Variants in ASIC2 observed in about 807,000 individuals in gnomAD.
The protein encoded by ASIC2 is acid-sensing ion channel 2.
Under a neutral mutation model 57.3 loss-of-function variants are expected in ASIC2, and 25 were observed. The observed-to-expected ratio is 0.44, with a 90% CI of 0.32 to 0.61. The LOEUF (loss-of-function observed/expected upper bound fraction) is 0.61, where lower values mean the gene tolerates loss of function less well. Ranked by LOEUF, ASIC2 falls within the 20% of genes least tolerant of loss-of-function variation. ASIC2 has a pLI of 0.06. For synonymous variants in ASIC2, 319 were observed against 307.5 expected (o/e 1.04, Z -0.39); for missense variants, 641 against 738.1 (o/e 0.87, Z 1.52).
At chr17:33,946,197 A>G (rs1246307271) in intron 1 of ASIC2, among the ~76,000 whole-genome samples, 1 of 152,212 alleles carries the variant, frequency 6.6e-6, no homozygotes, top group Non-Finnish European at 1.5e-5. Context: ...GCATAAGTAT[A>G]TGAAAACTCT....
intron 1 of ASIC2, among the ~76,000 whole-genome samples, chr17:34,034,809 T>C (rs1269109520): frequency 6.6e-6 from 1 of 152,272 alleles, no homozygotes; most frequent in South Asian, 2.1e-4. Flanking sequence ...TTATAAGGGA[T>C]GTGAAGGACC....
chr17:33,073,610 C>T (rs1043839617), intron 3 of ASIC2, among the ~76,000 whole-genome samples: 2 of 152,142 alleles, frequency 1.3e-5, no homozygotes. Flanking sequence ...AGACTAAGAA[C>T]AGGGAACAAT....
chr17:33,523,018 G>A (rs916703511), intron 1 of ASIC2, among the ~76,000 whole-genome samples: 3 of 152,204 alleles, frequency 2.0e-5, no homozygotes, highest in Non-Finnish European at 4.4e-5. Flanking sequence ...GCAAGTGGGT[G>A]ACAAGAAGTG....
chr17:33,529,979 C>T (rs1914999714), intron 1 of ASIC2: 1 of 152,212 alleles, frequency 6.6e-6, no homozygotes, highest in African/African-American at 2.4e-5. Flanking sequence ...TTATGTCTCT[C>T]AACCCCGCTG....
rs551977063 is a variant in ASIC2 at position 34,139,206 on chromosome 17, A to G, written c.555+16772T>C. Among the ~76,000 whole-genome samples the G allele has an allele frequency of 3.1e-4, 47 of 152,334 alleles. 1 individual carries two copies. The South Asian group carries it at 6.4e-3, about 21-fold the overall frequency. ...TATTATCTTAGCCAAATGATCAAAA[A>G]CTAGCATCTCTAGTGAAAGATCTAG... On this transcript the variant is annotated intron_variant, in intron 1 of 9. Transcript: ENST00000359872.
At chr17:33,607,028 G>T (rs988917445) in intron 1 of ASIC2, among the ~76,000 whole-genome samples, 1 of 152,294 alleles carries the variant, frequency 6.6e-6, no homozygotes, top group South Asian at 2.1e-4. Context: ...GGTTGGAGGA[G>T]CATGTACCAA....
chr17:33,831,666 T>C (rs984873647), intron 1 of ASIC2, among the ~76,000 whole-genome samples: 7 of 152,088 alleles, frequency 4.6e-5, no homozygotes, highest in African/African-American at 1.7e-4. Flanking sequence ...CTGTCAGTGT[T>C]TGTGCATATG....
intron 1 of ASIC2, among the ~76,000 whole-genome samples, chr17:33,789,448 T>G (rs1911700244): frequency 7.0e-6 from 1 of 143,694 alleles, no homozygotes. Flanking sequence ...TTGTGAGATT[T>G]AGCAGAGAAT....
chr17:33,456,571 T>C (rs1014936268), intron 1 of ASIC2, among the ~76,000 whole-genome samples: 5 of 152,208 alleles, frequency 3.3e-5, no homozygotes, highest in African/African-American at 4.8e-5. Context: ...TTTCATTGTG[T>C]GGAGATGTGT....
At chr17:33,427,779 C>T in intron 1 of ASIC2, among the ~76,000 whole-genome samples, 1 of 152,188 alleles carries the variant, frequency 6.6e-6, no homozygotes, top group Admixed American at 6.5e-5. Context: ...GAACCTTACT[C>T]CCTTGTGTAC....
chr17:33,379,713 G>A (rs1233922901), intron 1 of ASIC2, among the ~76,000 whole-genome samples: 2 of 152,166 alleles, frequency 1.3e-5, no homozygotes, highest in South Asian at 2.1e-4. Context: ...ATCAGCTATG[G>A]TTCACACATT....
intron 1 of ASIC2, among the ~76,000 whole-genome samples, chr17:33,852,042 C>T (rs76416358): frequency 7.2e-5 from 11 of 152,334 alleles, no homozygotes; most frequent in African/African-American, 2.2e-4. Flanking sequence ...GTGACTCAGG[C>T]CTGCGCTGCT....
intron 1 of ASIC2, among the ~76,000 whole-genome samples, chr17:33,594,184 C>T (rs1904911320): frequency 6.6e-6 from 1 of 152,256 alleles, no homozygotes; most frequent in South Asian, 2.1e-4. Context: ...TGTCCCAGTG[C>T]TGGCATTCTG....
chr17:33,610,547 G>A (rs1186808374), intron 1 of ASIC2, among the ~76,000 whole-genome samples: 2 of 151,884 alleles, frequency 1.3e-5, no homozygotes, highest in Non-Finnish European at 2.9e-5. Context: ...CATAACAAAA[G>A]GCATAAAGAA....
intron 1 of ASIC2, among the ~76,000 whole-genome samples, chr17:34,048,377 TTTAAA>T (rs960042568): frequency 2.0e-5 from 3 of 152,210 alleles, no homozygotes; most frequent in Non-Finnish European, 4.4e-5. Context: ...ATTCCTTCAT[TTTAAA>T]TTAAAGAAGT....
chr17:33,796,646 C>T (rs1911927247), intron 1 of ASIC2, among the ~76,000 whole-genome samples: 1 of 152,142 alleles, frequency 6.6e-6, no homozygotes, highest in Admixed American at 6.5e-5. Context: ...TTCCAAGATC[C>T]ATCTGATACT....
At chr17:33,064,795 C>T (rs929806554) in intron 3 of ASIC2, among the ~76,000 whole-genome samples, 8 of 152,342 alleles carry the variant, frequency 5.3e-5, no homozygotes, top group African/African-American at 1.9e-4. Context: ...TGTTCCTATT[C>T]GGCCATCTTG....
At chr17:33,395,872 C>T (rs944251140) in intron 1 of ASIC2, among the ~76,000 whole-genome samples, 6 of 151,994 alleles carry the variant, frequency 3.9e-5, no homozygotes, top group Non-Finnish European at 7.4e-5. Flanking sequence ...ACTTCTTAAC[C>T]TCCCCAGATG....
Position 33,871,714 on chromosome 17 carries a change from C to T in ASIC2, c.555+284264G>A, listed in dbSNP as rs147498638. Among the ~76,000 whole-genome samples, 403 of 152,076 alleles carry T rather than the reference C, an allele frequency of 2.6e-3. 2 individuals are homozygous for T. Among genetic ancestry groups the T allele is most frequent in the African/African-American group, 9.2e-3 (382 of 41,458 alleles). ...GAAGGGGACTTTGCCACCTGAATTACGGGAGGAGGAGGGATGACAGCTACC... is the reference window on the plus strand; with the variant it reads ...GAAGGGGACTTTGCCACCTGAATTATGGGAGGAGGAGGGATGACAGCTACC... On this transcript the variant is annotated intron_variant, in intron 1 of 9. Transcript: ENST00000359872.
Sources: allele counts gnomAD v4.1 joint callset (sites outside exome capture counted in the v4.1 genomes callset), GRCh38; gene constraint gnomAD v4.1.1; transcripts MANE v1.5; gene names NCBI Gene and HGNC (gene_info 2026-07-23, HGNC 2026-07-21).